The following MACROD1 variants were observed in gnomAD, a reference collection of about 807,000 sequenced individuals.
MACROD1 encodes ADP-ribose glycohydrolase MACROD1.
A neutral mutation model predicts 41.4 loss-of-function variants in MACROD1; 31 were observed. That is an observed-to-expected ratio of 0.75 (90% confidence interval 0.56 to 1.01). The LOEUF is 1.01. MACROD1 is among the 50% of genes least tolerant of loss of function. The pLI is 0.00. For synonymous variants in MACROD1, 252 were observed against 203.4 expected (o/e 1.24, Z -2.03); for missense variants, 473 against 460.0 (o/e 1.03, Z -0.26).
At chr11:64,089,952 G>A (rs1944460990) in intron 3 of MACROD1, among the ~76,000 whole-genome samples, 1 of 152,212 alleles carries the variant, frequency 6.6e-6, no homozygotes, top group South Asian at 2.1e-4. Context: ...GCCCTGTAAA[G>A]TGAGAGGATT....
intron 3 of MACROD1, among the ~76,000 whole-genome samples, chr11:64,113,139 A>T (rs974004385): frequency 6.6e-6 from 1 of 152,224 alleles, no homozygotes; most frequent in African/African-American, 2.4e-5. Context: ...GTCTTGAGTA[A>T]GCTAACATCT....
At chr11:64,055,549 T>C (rs1318619923) in intron 3 of MACROD1, among the ~76,000 whole-genome samples, 2 of 152,146 alleles carry the variant, frequency 1.3e-5, no homozygotes, top group African/African-American at 4.8e-5. Flanking sequence ...ACTGGTGTCC[T>C]TTCCAGCACG....
intron 3 of MACROD1, among the ~76,000 whole-genome samples, chr11:64,019,526 G>A (rs867703434): frequency 4.6e-5 from 7 of 152,248 alleles, no homozygotes; most frequent in Non-Finnish European, 1.0e-4. Context: ...TCCAGCGAAA[G>A]GGAGAGGGCC....
intron 3 of MACROD1, among the ~76,000 whole-genome samples, chr11:64,098,758 T>C (rs1007829399): frequency 8.5e-5 from 13 of 152,206 alleles, no homozygotes; most frequent in Admixed American, 3.3e-4. Context: ...AACTCTGCCC[T>C]CTTTGCCACA....
intron 3 of MACROD1, among the ~76,000 whole-genome samples, chr11:64,111,472 C>G (rs1944861395): frequency 1.3e-5 from 2 of 152,224 alleles, no homozygotes; most frequent in African/African-American, 4.8e-5. Flanking sequence ...GAGGCAGGAC[C>G]TCCGGCTCCA....
Position 64,144,880 on chromosome 11 carries a change from C to T in MACROD1, c.517+6359G>A, listed in dbSNP as rs969821040. Among the ~76,000 whole-genome samples the T allele has an allele frequency of 4.9e-4, 74 of 152,396 alleles. 1 individual carries two copies. Among genetic ancestry groups the T allele is most frequent in the African/African-American group, 1.6e-3 (66 of 41,606 alleles). ...CAGCGTCAGATCACTTCCCACAAGG[C>T]AGTCCGCATCCCTGCGGGGCCCCTG... On this transcript the variant is annotated intron_variant, in intron 3 of 10. Transcript: ENST00000255681.
intron 4 of MACROD1, among the ~76,000 whole-genome samples, chr11:64,008,456 G>C (rs1418065106): frequency 6.7e-6 from 1 of 149,682 alleles, no homozygotes; most frequent in Non-Finnish European, 1.5e-5. Flanking sequence ...CCACCTGGCA[G>C]ACCTTCACTA....
chr11:64,101,255 G>T (rs1182594519), intron 3 of MACROD1, among the ~76,000 whole-genome samples: 1 of 152,142 alleles, frequency 6.6e-6, no homozygotes, highest in Non-Finnish European at 1.5e-5. Flanking sequence ...CACGGCTGGT[G>T]GGCTGGGCAG....
chr11:64,009,212 C>T (rs1464387033), intron 4 of MACROD1: 1 of 152,192 alleles, frequency 6.6e-6, no homozygotes, highest in Non-Finnish European at 1.5e-5. Context: ...ACCTGCCTCC[C>T]TTCTTACCAT....
intron 1 of MACROD1, among the ~76,000 whole-genome samples, chr11:64,153,013 G>C (rs1945607009): frequency 6.6e-6 from 1 of 152,220 alleles, no homozygotes. Context: ...GGAAACCGGG[G>C]CTCAGGGAGG....
chr11:64,061,854 G>A (rs892095044), intron 3 of MACROD1, among the ~76,000 whole-genome samples: 17 of 150,258 alleles, frequency 1.1e-4, no homozygotes, highest in African/African-American at 4.2e-4. Context: ...GGGACCACAG[G>A]CGTGTGCCAC....
chr11:64,144,114 A>C (rs1945456931), intron 3 of MACROD1, among the ~76,000 whole-genome samples: 1 of 142,670 alleles, frequency 7.0e-6, no homozygotes, highest in Non-Finnish European at 1.5e-5. Context: ...GCCGTGGCTC[A>C]CTCCAGACCC....
intron 3 of MACROD1, 125 bp from the exon 4 acceptor site, chr11:64,015,406 G>T (rs1049370833): frequency 8.6e-6 from 7 of 815,350 alleles, no homozygotes; most frequent in African/African-American, 1.7e-5. Flanking sequence ...CTTGGGCACA[G>T]GGTCTTCCCA....
At chr11:64,042,162 A>C (rs1233830581) in intron 3 of MACROD1, among the ~76,000 whole-genome samples, 1 of 152,190 alleles carries the variant, frequency 6.6e-6, no homozygotes, top group Non-Finnish European at 1.5e-5. Flanking sequence ...TGGTGGGCAC[A>C]CATGCACCTT....
chr11:64,106,427 G>A (rs1440713263), intron 3 of MACROD1, among the ~76,000 whole-genome samples: 1 of 152,164 alleles, frequency 6.6e-6, no homozygotes, highest in Non-Finnish European at 1.5e-5. Context: ...CACTTTCTGT[G>A]CCAGGCTCCA....
At chr11:64,127,703 G>T (rs1945207067) in intron 3 of MACROD1, among the ~76,000 whole-genome samples, 1 of 152,224 alleles carries the variant, frequency 6.6e-6, no homozygotes, top group East Asian at 1.9e-4. Context: ...GGAGAAGTAT[G>T]TGTCAGCAGG....
chr11:64,021,900 C>T (rs532020883), intron 3 of MACROD1, among the ~76,000 whole-genome samples: 2 of 134,738 alleles, frequency 1.5e-5, no homozygotes, highest in African/African-American at 5.6e-5. Flanking sequence ...GTGCCAGAGG[C>T]CGAGAAGGAA....
chr11:64,056,836 ACCTCCACTCTG>A (rs1943794857), intron 3 of MACROD1, among the ~76,000 whole-genome samples: 1 of 151,094 alleles, frequency 6.6e-6, no homozygotes, highest in African/African-American at 2.4e-5. Context: ...CCCTGGGATG[ACCTCCACTCTG>A]CCTTCTAAAC....
chr11:64,073,668 T>C (rs1343823464), intron 3 of MACROD1, among the ~76,000 whole-genome samples: 1 of 152,184 alleles, frequency 6.6e-6, no homozygotes, highest in Non-Finnish European at 1.5e-5. Context: ...CTGTGAGGTC[T>C]GGCACATCAG....
Sources: allele counts gnomAD v4.1 joint callset (sites outside exome capture counted in the v4.1 genomes callset), GRCh38; gene constraint gnomAD v4.1.1; transcripts MANE v1.5; gene names NCBI Gene and HGNC (gene_info 2026-07-23, HGNC 2026-07-21).